Variants in TLN2 observed in about 807,000 individuals in gnomAD.
TLN2 encodes talin-2.
In TLN2, 118 loss-of-function variants were observed where a neutral mutation model predicts 294.7. That is an observed-to-expected ratio of 0.40 (90% CI 0.34 to 0.47). The LOEUF (loss-of-function observed/expected upper bound fraction) is 0.47, where lower values mean the gene tolerates loss of function less well. TLN2 is among the 20% of genes least tolerant of loss of function. The pLI is 0.84. For missense variants in TLN2, 3,083 were observed against 3,282.2 expected, an observed-to-expected ratio of 0.94 and a Z score of 1.48; for synonymous variants, 1,431 against 1,304.5, an observed-to-expected ratio of 1.10 and a Z score of -2.09.
chr15:62,809,922 C>T lies in TLN2; in HGVS notation c.6664-3C>T. On this transcript the variant is annotated splice_polypyrimidine_tract_variant and splice_region_variant and intron_variant, in intron 51 of 58. Coordinates refer to ENST00000636159, the MANE Select transcript of TLN2 (RefSeq NM_015059.3). ...AGATTTCAGCATTCCTTTCTCTCTC[C>T]AGCAAGCATCCTTCCACCCCGATGT... is the stretch of plus-strand genomic sequence containing the variant. 1 of 1,613,920 alleles carries T rather than the reference C, an allele frequency of 6.2e-7. No homozygotes were observed. Among genetic ancestry groups the T allele is most frequent in the Non-Finnish European group, 8.5e-7 (1 of 1,179,868 alleles).
At chr15:62,798,034 G>A (rs1418315134) in intron 48 of TLN2, among the ~76,000 whole-genome samples, 2 of 152,214 alleles carry the variant, frequency 1.3e-5, no homozygotes, top group African/African-American at 4.8e-5. Flanking sequence ...TTGCCAGGAT[G>A]GAGTGTTTCA....
intron 40 of TLN2, among the ~76,000 whole-genome samples, chr15:62,765,258 T>A (rs1289242231): frequency 6.6e-6 from 1 of 152,086 alleles, no homozygotes; most frequent in African/African-American, 2.4e-5. Context: ...AATAAAACCC[T>A]TGGCCGTCTT....
At chr15:62,836,537 C>T (rs570827151) in intron 57 of TLN2, among the ~76,000 whole-genome samples, 11 of 152,290 alleles carry the variant, frequency 7.2e-5, no homozygotes, top group East Asian at 3.9e-4. Context: ...GTTACTAACT[C>T]GGTGCCTGCT....
At chr15:62,712,120 A>G in intron 22 of TLN2, 43 bp downstream of exon 22, 1 of 1,593,448 alleles carries the variant, frequency 6.3e-7, no homozygotes, top group South Asian at 1.1e-5. Flanking sequence ...AACACTATTA[A>G]GTGTTAGGAT....
At chr15:62,630,657 G>C (rs1015662105) in intron 3 of TLN2, among the ~76,000 whole-genome samples, 1 of 151,702 alleles carries the variant, frequency 6.6e-6, no homozygotes, top group Non-Finnish European at 1.5e-5. Flanking sequence ...TTTTTGGTCT[G>C]CGTTTATTTG....
intron 1 of TLN2, among the ~76,000 whole-genome samples, chr15:62,537,042 G>A (rs1423492411): frequency 2.0e-5 from 3 of 149,628 alleles, no homozygotes; most frequent in African/African-American, 4.9e-5. Context: ...TTTTTTGGAC[G>A]GAGTCTTGCT....
At chr15:62,825,844 T>TAA (rs1238136379) in intron 54 of TLN2, among the ~76,000 whole-genome samples, 1 of 77,700 alleles carries the variant, frequency 1.3e-5, no homozygotes, top group East Asian at 3.6e-4. Context: ...ATAATATATA[T>TAA]AAATATATTA....
intron 1 of TLN2, among the ~76,000 whole-genome samples, chr15:62,427,366 C>G (rs1457856714): frequency 6.6e-6 from 1 of 152,136 alleles, no homozygotes; most frequent in African/African-American, 2.4e-5. Flanking sequence ...TTTTATTCTC[C>G]TTGGCCTAAG....
intron 1 of TLN2, among the ~76,000 whole-genome samples, chr15:62,573,519 C>G (rs1228882453): frequency 5.3e-5 from 8 of 152,180 alleles, no homozygotes; most frequent in Non-Finnish European, 8.8e-5. Context: ...TCAGCACCTG[C>G]TTTTCATAGA....
At chr15:62,792,057 A>G (rs2065112132) in intron 45 of TLN2, among the ~76,000 whole-genome samples, 1 of 152,194 alleles carries the variant, frequency 6.6e-6, no homozygotes, top group Non-Finnish European at 1.5e-5. Flanking sequence ...CCTGATAGGA[A>G]GTCTGGGCTT....
rs529185209 is a variant in TLN2 at position 62,530,177 on chromosome 15, C to A, written c.-237-59510C>A. On this transcript the variant is annotated intron_variant, in intron 1 of 58. Coordinates refer to ENST00000636159, the MANE Select transcript of TLN2 (RefSeq NM_015059.3). ...CTGCACTCCAGCCTGGGTGACAGAGCGAGACTCTGTCTCAAAAGATAAATA... is the reference window on the plus strand; with the variant it reads ...CTGCACTCCAGCCTGGGTGACAGAGAGAGACTCTGTCTCAAAAGATAAATA... Among the ~76,000 whole-genome samples, 4 of 152,068 alleles carry A rather than the reference C, an allele frequency of 2.6e-5. No individual in the cohort carries two copies. The East Asian group carries it at 7.7e-4, about 29-fold the overall frequency.
In TLN2 at chr15:62,628,880, T is replaced by G. The variant is rs369208606; in HGVS notation, c.-37+10405T>G. On this transcript the variant is annotated intron_variant, in intron 3 of 58. Transcript: ENST00000636159. ...ATAATTCCCAGTTTTCTATTTTATT[T>G]ATCAGAAAATTTGATAGTGGTGCTG... Among the ~76,000 whole-genome samples the G allele has an allele frequency of 6.6e-5, 10 of 152,328 alleles. No homozygotes were observed. The South Asian group carries it at 1.7e-3, about 25-fold the overall frequency.
intron 1 of TLN2, among the ~76,000 whole-genome samples, chr15:62,577,304 G>A (rs2044506803): frequency 6.6e-6 from 1 of 152,094 alleles, no homozygotes; most frequent in African/African-American, 2.4e-5. Context: ...TTAGCCGGGT[G>A]TGGTGGCGCA....
At chr15:62,635,941 C>T (rs1438779340) in intron 3 of TLN2, among the ~76,000 whole-genome samples, 1 of 152,086 alleles carries the variant, frequency 6.6e-6, no homozygotes, top group Non-Finnish European at 1.5e-5. Context: ...CCCCCAGATC[C>T]GTGGCCTTGG....
chr15:62,458,200 T>C (rs569229334), intron 1 of TLN2, among the ~76,000 whole-genome samples: 1 of 152,262 alleles, frequency 6.6e-6, no homozygotes, highest in African/African-American at 2.4e-5. Context: ...TATGTAGCGA[T>C]GACCAGTGGG....
In TLN2 at chr15:62,838,938, A is replaced by G. The variant is rs1457727759; in HGVS notation, c.7457A>G (p.Asp2486Gly). 1.9e-6 allele frequency: 3 copies of G among 1,614,030 alleles called. No homozygotes were observed. In the South Asian group the frequency reaches 3.3e-5, roughly 18 times the overall value. Residue 2486 changes from aspartate (D) to glycine (G), a missense_variant, in exon 58 of 59, where the codon GAC (aspartate) becomes GGC (glycine). Asp to Gly is a moderately conservative substitution (Grantham distance 94). Coordinates refer to ENST00000636159, the MANE Select transcript of TLN2 (RefSeq NM_015059.3). The part of the protein sequence containing the change: ...QKAAFGKADD[D>G]DVVVKTKFVG... ...GCAGCTTTTGGCAAAGCTGATGACG[A>G]CGATGTTGTAGTGAAAACCAAGTTT...
At chr15:62,495,885 G>A (rs564141340) in intron 1 of TLN2, among the ~76,000 whole-genome samples, 40 of 151,628 alleles carry the variant, frequency 2.6e-4, no homozygotes, top group African/African-American at 9.7e-4. Context: ...ATTGCATGTT[G>A]CCTTTTGGCT....
At chr15:62,677,079 G>C (rs2056295784) in intron 11 of TLN2, among the ~76,000 whole-genome samples, 2 of 152,216 alleles carry the variant, frequency 1.3e-5, no homozygotes, top group South Asian at 4.1e-4. Context: ...GACCCCATTT[G>C]AGAGGTAGTC....
intron 12 of TLN2, among the ~76,000 whole-genome samples, chr15:62,692,435 G>A (rs1403245433): frequency 6.6e-6 from 1 of 152,200 alleles, no homozygotes; most frequent in Non-Finnish European, 1.5e-5. Context: ...GCTGGAGTTG[G>A]AGCTCCTGAC....
Sources: gnomAD v4.1 joint callset for allele counts (sites outside exome capture counted in the v4.1 genomes callset) on GRCh38, gnomAD v4.1.1 for gene constraint, MANE v1.5 for transcripts, NCBI Gene and HGNC (gene_info 2026-07-23, HGNC 2026-07-21) for gene names.